LINGO2: variants seen among roughly 807,000 people sequenced by gnomAD.
LINGO2 encodes leucine rich repeat and Ig domain containing 2, also known as leucine-rich repeat and immunoglobulin-like domain-containing nogo receptor-interacting protein 2.
Under a neutral mutation model 30.6 loss-of-function variants are expected in LINGO2, and 14 were observed. The ratio of observed to expected loss-of-function variants is 0.46; its 90% CI spans 0.30 to 0.72. The LOEUF is 0.72. LINGO2 is among the 30% of genes least tolerant of loss of function. LINGO2 has a pLI of 0.07. For missense variants in LINGO2, 729 were observed against 751.7 expected, an observed-to-expected ratio of 0.97 and a Z score of 0.35; for synonymous variants, 317 against 288.5, an observed-to-expected ratio of 1.10 and a Z score of -1.00.
intron 2 of LINGO2, among the ~76,000 whole-genome samples, chr9:28,397,355 G>GTATA (rs3069833): frequency 0.074 from 9,587 of 128,978 alleles, 354 homozygotes; most frequent in Non-Finnish European, 0.098. Flanking sequence ...ATGTTTTGAA[G>GTATA]TATATATATA....
chr9:28,777,720 T>C, the LINGO2 span, among the ~76,000 whole-genome samples: 1 of 152,184 alleles, frequency 6.6e-6, no homozygotes, highest in African/African-American at 2.4e-5. Context: ...GAAAATCTCA[T>C]GATGTGGGTA....
the LINGO2 span, among the ~76,000 whole-genome samples, chr9:28,696,399 C>A: frequency 3.3e-5 from 5 of 151,908 alleles, no homozygotes; most frequent in Non-Finnish European, 7.4e-5. Flanking sequence ...AAACGATAAG[C>A]AAATTTACTA....
chr9:29,132,213 G>T, the LINGO2 span, among the ~76,000 whole-genome samples: 2 of 151,944 alleles, frequency 1.3e-5, no homozygotes, highest in Non-Finnish European at 2.9e-5. Context: ...CGTTCCTCGA[G>T]GGGGGGAAAT....
chr9:28,198,249 G>GAAA (rs11452546), intron 4 of LINGO2, among the ~76,000 whole-genome samples: 2 of 145,236 alleles, frequency 1.4e-5, no homozygotes, highest in Admixed American at 6.8e-5. Context: ...GGACAAATAT[G>GAAA]AAAAAAAAAA....
At chr9:28,728,933 A>C in the LINGO2 span, among the ~76,000 whole-genome samples, 1 of 152,298 alleles carries the variant, frequency 6.6e-6, no homozygotes, top group South Asian at 2.1e-4. Flanking sequence ...AGAAGAAGGC[A>C]GATCTCTCAA....
intron 1 of LINGO2, among the ~76,000 whole-genome samples, chr9:28,533,692 G>C (rs893242030): frequency 6.6e-6 from 1 of 152,120 alleles, no homozygotes; most frequent in South Asian, 2.1e-4. Context: ...GCTGTGTTGA[G>C]AATAAGAGAT....
chr9:29,076,296 T>A, the LINGO2 span, among the ~76,000 whole-genome samples: 1 of 152,182 alleles, frequency 6.6e-6, no homozygotes, highest in East Asian at 1.9e-4. Flanking sequence ...ATTATCTATA[T>A]ATATTTGCAT....
intron 4 of LINGO2, among the ~76,000 whole-genome samples, chr9:28,018,296 T>G (rs1011095172): frequency 1.3e-5 from 2 of 152,082 alleles, no homozygotes; most frequent in African/African-American, 4.8e-5. Flanking sequence ...ACATAGACCC[T>G]GGCAAAGATT....
chr9:28,224,838 G>C (rs961824549), intron 4 of LINGO2, among the ~76,000 whole-genome samples: 3 of 152,024 alleles, frequency 2.0e-5, no homozygotes, highest in Admixed American at 1.3e-4. Context: ...AAACAAAAAA[G>C]AACAAAGCCT....
At chr9:28,672,445 C>T (rs750861518), upstream of LINGO2, among the ~76,000 whole-genome samples, 3 of 152,168 alleles carry the variant, frequency 2.0e-5, no homozygotes, top group Non-Finnish European at 4.4e-5. Context: ...CTGTGATAGG[C>T]ACTTTCATAT....
intron 4 of LINGO2, among the ~76,000 whole-genome samples, chr9:28,086,675 T>C (rs1825925231): frequency 1.3e-5 from 2 of 151,950 alleles, no homozygotes; most frequent in African/African-American, 4.8e-5. Flanking sequence ...AAAAAACATG[T>C]CCCAAATGGT....
At position 28,087,591 on chromosome 9, in the gene LINGO2, G is replaced by A. The variant is rs1014170801; in HGVS notation, c.-86-75186C>T. On this transcript the variant is annotated intron_variant, in intron 4 of 5. Transcript: ENST00000379992. ...GTCCTATCTGGGGAATCTTTTCCTG[G>A]AATGATCATGAAATAGATCCCTATG... Among the ~76,000 whole-genome samples, 4 of 151,798 alleles carry A rather than the reference G, an allele frequency of 2.6e-5. No homozygotes were observed. The South Asian group carries it at 8.3e-4, about 32-fold the overall frequency.
At chr9:27,990,575 T>TA (rs1821350790) in intron 5 of LINGO2, among the ~76,000 whole-genome samples, 1 of 151,048 alleles carries the variant, frequency 6.6e-6, no homozygotes, top group Non-Finnish European at 1.5e-5. Context: ...ACAAAGGCAT[T>TA]AAAAAAAGAA....
At chr9:28,531,942 G>A (rs528432209) in intron 1 of LINGO2, among the ~76,000 whole-genome samples, 3 of 152,258 alleles carry the variant, frequency 2.0e-5, no homozygotes, top group African/African-American at 7.2e-5. Flanking sequence ...AAAATGGCAT[G>A]TTAAAATTGT....
At chr9:28,675,234 T>C (rs1212826378), upstream of LINGO2, among the ~76,000 whole-genome samples, 3 of 152,204 alleles carry the variant, frequency 2.0e-5, no homozygotes, top group Non-Finnish European at 4.4e-5. Context: ...GATCTTTCCA[T>C]TATTTATCAC....
At chr9:27,994,437 ATAGG>A (rs1821556289) in intron 5 of LINGO2, among the ~76,000 whole-genome samples, 1 of 152,188 alleles carries the variant, frequency 6.6e-6, no homozygotes. Context: ...GAGTAGGCAG[ATAGG>A]TAGACATGAG....
At chr9:28,210,804 A>T (rs905363690) in intron 4 of LINGO2, among the ~76,000 whole-genome samples, 7 of 151,050 alleles carry the variant, frequency 4.6e-5, no homozygotes, top group African/African-American at 7.3e-5. Flanking sequence ...TTATATTTTT[A>T]TTTTTTTCAT....
chr9:28,213,505 G>T (rs2133867764), intron 4 of LINGO2, among the ~76,000 whole-genome samples: 1 of 151,440 alleles, frequency 6.6e-6, no homozygotes, highest in Admixed American at 6.6e-5. Context: ...TATCTATTTG[G>T]CAACTAGTGA....
At chr9:28,546,566 G>C (rs1821957650) in intron 1 of LINGO2, among the ~76,000 whole-genome samples, 1 of 151,970 alleles carries the variant, frequency 6.6e-6, no homozygotes, top group South Asian at 2.1e-4. Flanking sequence ...TAGACAAGCT[G>C]GGTCAAACAA....
Sources: gnomAD v4.1 joint callset for allele counts (sites outside exome capture counted in the v4.1 genomes callset) on GRCh38, gnomAD v4.1.1 for gene constraint, MANE v1.5 for transcripts, NCBI Gene and HGNC (gene_info 2026-07-23, HGNC 2026-07-21) for gene names.